Variants in C12orf50 observed in about 807,000 individuals in gnomAD.
C12orf50 encodes uncharacterized protein C12orf50.
In C12orf50, 35 loss-of-function variants were observed where a neutral mutation model predicts 61.6. The observed-to-expected ratio is 0.57, with a 90% CI of 0.43 to 0.75. The LOEUF is 0.75. Among genes scored for constraint, C12orf50 ranks in the 30% least tolerant of loss-of-function variants. C12orf50 has a pLI of 0.00. For missense variants in C12orf50, 475 were observed against 488.5 expected (o/e 0.97, Z 0.26); for synonymous variants, 178 against 161.5 (o/e 1.10, Z -0.77).
intron 3 of C12orf50, among the ~76,000 whole-genome samples, chr12:88,021,465 C>A (rs1371015173): frequency 6.6e-6 from 1 of 152,058 alleles, no homozygotes. Flanking sequence ...TGGTGAAACC[C>A]AGTCTCTACT....
intron 12 of C12orf50, among the ~76,000 whole-genome samples, chr12:87,980,972 A>C (rs2030436381): frequency 6.6e-6 from 1 of 152,200 alleles, no homozygotes; most frequent in South Asian, 2.1e-4. Context: ...TGCAGGAAGA[A>C]ACATAAGCTA....
chr12:88,024,786 A>T (rs1411490099), intron 3 of C12orf50, among the ~76,000 whole-genome samples: 1 of 152,202 alleles, frequency 6.6e-6, no homozygotes, highest in Non-Finnish European at 1.5e-5. Context: ...TTAAAGAAAA[A>T]AAAGAAAGAT....
At chr12:87,993,484 A>C (rs906848411) in intron 7 of C12orf50, among the ~76,000 whole-genome samples, 24 of 152,192 alleles carry the variant, frequency 1.6e-4, no homozygotes, top group African/African-American at 5.8e-4. Context: ...CAGCTAGACT[A>C]AAACAATTAC....
At chr12:87,986,849 A>G (rs1187523272) in intron 9 of C12orf50, among the ~76,000 whole-genome samples, 1 of 152,172 alleles carries the variant, frequency 6.6e-6, no homozygotes, top group African/African-American at 2.4e-5. Flanking sequence ...ACTTTCAGTG[A>G]ACTTTACCTT....
At chr12:88,002,827 T>C (rs2031706514) in intron 3 of C12orf50, among the ~76,000 whole-genome samples, 1 of 151,710 alleles carries the variant, frequency 6.6e-6, no homozygotes, top group African/African-American at 2.4e-5. Context: ...CCTTTAATTC[T>C]TCATTTTTAT....
Position 87,980,327 on chromosome 12 carries a change from A to C in C12orf50, c.*4T>G. ...CTCATTTTTCTCTCTCTCAACCTCC[A>C]GGTTTACTTGCTCCCATTTCTTCTT... On this transcript the variant is annotated 3_prime_UTR_variant, in exon 13 of 13. Coordinates refer to ENST00000298699, the MANE Select transcript of C12orf50 (RefSeq NM_152589.3). 1 of 1,609,270 alleles carries C rather than the reference A, an allele frequency of 6.2e-7. No individual in the cohort carries two copies. The highest frequency in any genetic ancestry group is 8.5e-7 in the Non-Finnish European group (1 of 1,177,108).
At chr12:87,985,657 G>A in intron 11 of C12orf50, 193 bp downstream of exon 11, 1 of 630,006 alleles carries the variant, frequency 1.6e-6, no homozygotes, top group Non-Finnish European at 2.8e-6. Flanking sequence ...CACAACATGA[G>A]TTTTCTTCCA....
In C12orf50 at chr12:88,001,531, C is replaced by CT. The variant is rs59045776; in HGVS notation, c.134-3342dup. Among the ~76,000 whole-genome samples, 184 of 139,950 alleles carry CT rather than the reference C, an allele frequency of 1.3e-3. 1 individual carries two copies. The highest frequency in any genetic ancestry group is 1.6e-3 in the South Asian group (7 of 4,478). The allele number at this position is 139,950 out of a possible 152,430, so 91.8% of individuals were successfully genotyped here. A position where few individuals can be genotyped will look rare whatever the true frequency, so the allele number is the denominator to read the frequency against. On this transcript the variant is annotated intron_variant, in intron 3 of 12. Transcript: ENST00000298699. ...CATGAGTTGGAAAGTGTTGCATCAT[C>CT]TTTTTTTTTTTTTGGAAGAATTTAT...
At chr12:88,005,328 T>C (rs2031815570) in intron 3 of C12orf50, among the ~76,000 whole-genome samples, 1 of 152,206 alleles carries the variant, frequency 6.6e-6, no homozygotes, top group Non-Finnish European at 1.5e-5. Context: ...TCTGTTGTCA[T>C]TCCTCAGAGG....
At chr12:87,988,057 T>C in intron 8 of C12orf50, 91 bp from the exon 9 acceptor site, 2 of 674,866 alleles carry the variant, frequency 3.0e-6, no homozygotes, top group South Asian at 2.2e-5. Flanking sequence ...CATTACATAA[T>C]GGGAACACCT....
intron 3 of C12orf50, among the ~76,000 whole-genome samples, chr12:88,006,447 G>A (rs1463909515): frequency 6.6e-6 from 1 of 152,160 alleles, no homozygotes; most frequent in Non-Finnish European, 1.5e-5. Context: ...CTCTCTGCCT[G>A]CACAAAATCT....
At chr12:88,018,158 G>A (rs1393564014) in intron 3 of C12orf50, among the ~76,000 whole-genome samples, 1 of 152,234 alleles carries the variant, frequency 6.6e-6, no homozygotes, top group African/African-American at 2.4e-5. Flanking sequence ...AGACCTAGGA[G>A]GACAAAATGG....
intron 6 of C12orf50, among the ~76,000 whole-genome samples, chr12:87,995,574 AT>A (rs2031347095): frequency 6.6e-6 from 1 of 152,234 alleles, no homozygotes; most frequent in Admixed American, 6.5e-5. Flanking sequence ...CTATTTAAAA[AT>A]AAACAGCCTT....
intron 3 of C12orf50, among the ~76,000 whole-genome samples, chr12:88,025,962 A>G (rs1167402665): frequency 2.0e-5 from 3 of 152,242 alleles, no homozygotes; most frequent in Non-Finnish European, 4.4e-5. Flanking sequence ...CCATTTAGTT[A>G]GACTGAATTG....
intron 3 of C12orf50, among the ~76,000 whole-genome samples, chr12:88,025,471 T>A (rs1411455422): frequency 6.6e-6 from 1 of 152,158 alleles, no homozygotes. Flanking sequence ...AGAATAGGAA[T>A]GAACTGGGGG....
intron 8 of C12orf50, among the ~76,000 whole-genome samples, chr12:87,988,491 C>G (rs2136411015): frequency 6.6e-6 from 1 of 152,224 alleles, no homozygotes; most frequent in Non-Finnish European, 1.5e-5. Flanking sequence ...TTTTATTCAG[C>G]TTTAACTTAA....
At chr12:87,988,570 G>A (rs1377555603) in intron 8 of C12orf50, among the ~76,000 whole-genome samples, 10 of 152,118 alleles carry the variant, frequency 6.6e-5, no homozygotes, top group Non-Finnish European at 1.3e-4. Flanking sequence ...TTGATGGACT[G>A]GGGAAAACCT....
intron 7 of C12orf50, among the ~76,000 whole-genome samples, chr12:87,991,698 C>T (rs1439651347): frequency 6.6e-6 from 1 of 152,156 alleles, no homozygotes; most frequent in East Asian, 1.9e-4. Context: ...TGATGTACCA[C>T]TAGCCACTCA....
At chr12:88,014,135 T>G (rs151260018) in intron 3 of C12orf50, among the ~76,000 whole-genome samples, 4,242 of 152,174 alleles carry the variant, frequency 0.028, 101 homozygotes, top group Admixed American at 0.039. Flanking sequence ...CTTTAATAGC[T>G]TTGAAAAGAA....
Sources: allele counts gnomAD v4.1 joint callset (sites outside exome capture counted in the v4.1 genomes callset), GRCh38; gene constraint gnomAD v4.1.1; transcripts MANE v1.5; gene names NCBI Gene and HGNC (gene_info 2026-07-23, HGNC 2026-07-21).